MED8: variants seen among roughly 807,000 people sequenced by gnomAD.
MED8 encodes the protein mediator of RNA polymerase II transcription subunit 8.
In MED8, 22 loss-of-function variants were observed where a neutral mutation model predicts 34.8. That is an observed-to-expected ratio of 0.63 (90% CI 0.45 to 0.90). MED8 has a LOEUF of 0.90. Ranked by LOEUF, MED8 falls within the 40% of genes least tolerant of loss-of-function variation. The pLI, the probability that MED8 is intolerant of heterozygous loss-of-function variation, is 0.00. For missense variants in MED8, 260 were observed against 326.3 expected (o/e 0.80, Z 1.57); for synonymous variants, 105 against 120.2 (o/e 0.87, Z 0.83).
Position 43,384,114 on chromosome 1 carries a change from A to G in MED8, c.*928T>C, listed in dbSNP as rs1281079550. 2 of 189,190 alleles carry G rather than the reference A, an allele frequency of 1.1e-5. No homozygotes were observed. The highest frequency in any genetic ancestry group is 1.8e-3 in the Middle Eastern group (1 of 542). The allele number at this position is 189,190 out of a possible 1,614,324, so 11.7% of individuals were successfully genotyped here. A position where few individuals can be genotyped will look rare whatever the true frequency, so the allele number is the denominator to read the frequency against. ...ATCATTCTGGTCCACCATTTGGGCC[A>G]CAGGCTTAGGGAAATGAAGGAAAGT... On this transcript the variant is annotated 3_prime_UTR_variant, in exon 7 of 7. Coordinates refer to ENST00000372457, the MANE Select transcript of MED8 (RefSeq NM_201542.5).
At chr1:43,387,801 G>T in intron 2 of MED8, 154 bp from the exon 3 acceptor site, 1 of 757,552 alleles carries the variant, frequency 1.3e-6, no homozygotes, top group Non-Finnish European at 2.2e-6. Context: ...GACTAACAGG[G>T]ATGACAGGGC....
chr1:43,389,713 G>A (rs1341684794), intron 1 of MED8, 46 bp downstream of exon 1: 3 of 1,601,892 alleles, frequency 1.9e-6, no homozygotes, highest in South Asian at 2.2e-5. Context: ...CTCGGTCCCT[G>A]TACCCGAAGC....
chr1:43,384,876 C>G lies in MED8; in HGVS notation c.*166G>C. The G allele has an allele frequency of 7.1e-7, 1 of 1,407,086 alleles. No homozygotes were observed. The highest frequency in any genetic ancestry group is 9.3e-7 in the Non-Finnish European group (1 of 1,074,254). The allele number at this position is 1,407,086 out of a possible 1,614,324, so 87.2% of individuals were successfully genotyped here. A position where few individuals can be genotyped will look rare whatever the true frequency, so the allele number is the denominator to read the frequency against. ...AGAAACAGGCTCAGAAAAATTAGGT[C>G]ACTTGTCCAAGGTCACACAGCTAGT... On this transcript the variant is annotated 3_prime_UTR_variant, in exon 7 of 7. Coordinates refer to ENST00000372457, the MANE Select transcript of MED8 (RefSeq NM_201542.5).
At chr1:43,388,500 AAGG>A in intron 1 of MED8, 72 bp from the exon 2 acceptor site, 4 of 1,585,214 alleles carry the variant, frequency 2.5e-6, no homozygotes, top group Non-Finnish European at 1.7e-6. Flanking sequence ...CTGGAAAGCC[AAGG>A]AGATGGTGTG....
chr1:43,387,651 G>C lies in MED8; in HGVS notation c.126-4C>G, dbSNP rs774809712. 2 of 1,613,844 alleles carry C rather than the reference G, an allele frequency of 1.2e-6. No individual in the cohort carries two copies. Among genetic ancestry groups the C allele is most frequent in the Non-Finnish European group, 1.7e-6 (2 of 1,179,820 alleles). On this transcript the variant is annotated splice_polypyrimidine_tract_variant and splice_region_variant and intron_variant, in intron 2 of 6. Transcript: ENST00000372457. ...AAAGCTGTCCAGGACAGATGGCCTGGTGGTGGTAACAAGGTGTAAGAATGT... is the reference window on the plus strand; with the variant it reads ...AAAGCTGTCCAGGACAGATGGCCTGCTGGTGGTAACAAGGTGTAAGAATGT...
Position 43,385,239 on chromosome 1 carries a change from A to G in MED8, c.743-133T>C. 3.3e-6 allele frequency: 4 copies of G among 1,196,726 alleles called. No individual in the cohort carries two copies. In the South Asian group the frequency reaches 6.2e-5, roughly 18 times the overall value. 74.1% of individuals were successfully genotyped at this position (1,196,726 alleles called of 1,614,324 possible). ...CCTCTGCGGCATCTGACCCTGTTTG[A>G]CAGAGGTCAGAAGTATGATTCTTCA... is the stretch of plus-strand genomic sequence containing the variant. On this transcript the variant is annotated intron_variant, in intron 6 of 6. Coordinates refer to ENST00000372457, the MANE Select transcript of MED8 (RefSeq NM_201542.5).
chr1:43,385,865 A>G, intron 6 of MED8, 113 bp downstream of exon 6: 1 of 1,459,762 alleles, frequency 6.9e-7, no homozygotes, highest in Non-Finnish European at 9.3e-7. Context: ...CACAGTGAAA[A>G]GGAGAAATAG....
At chr1:43,387,041 A>G (rs1557486572) in intron 3 of MED8, 43 bp from the exon 4 acceptor site, 1 of 1,605,848 alleles carries the variant, frequency 6.2e-7, no homozygotes, top group Non-Finnish European at 8.5e-7. Flanking sequence ...GTACTCCAAG[A>G]AGATTCTATC....
In MED8 at chr1:43,386,141, A is replaced by G. The variant is rs202195574; in HGVS notation, c.579T>C (p.Asn193=). 1.3e-4 allele frequency: 211 copies of G among 1,614,030 alleles called. No individual in the cohort carries two copies. Among genetic ancestry groups the G allele is most frequent in the East Asian group, 2.2e-4 (10 of 44,882 alleles). The change falls in exon 6 of 7, where the codon AAT becomes AAC. Residue 193 remains asparagine, a synonymous_variant. Transcript: ENST00000372457. This position sits in a 1 kb window ranked among gnomAD's most constrained non-coding sequence, Gnocchi z 4.9. ...AAVAFGKGLS[N]WRPSGSSGPG... Reference sequence around the variant, plus strand: ...GACCACTGCTGCCTGAAGGTCTCCAATTAGATAGTCCTTTCCCAAAGGCAA... The same window carrying G: ...GACCACTGCTGCCTGAAGGTCTCCAGTTAGATAGTCCTTTCCCAAAGGCAA...
rs751215999 is a variant in MED8 at position 43,386,702 on chromosome 1, G to C, written c.412-32C>G. On this transcript the variant is annotated intron_variant, in intron 4 of 6. Transcript: ENST00000372457. The surrounding 1 kb of genome is among the most constrained non-coding windows in gnomAD (Gnocchi z 4.9). ...CACACAAATTTGTGCAGAGATTAGG[G>C]TAACTAGGAAACGATATGGAGAAAT... is the stretch of plus-strand genomic sequence containing the variant. 2.5e-6 allele frequency: 4 copies of C among 1,599,424 alleles called. No homozygotes were observed. The South Asian group carries it at 4.5e-5, about 18-fold the overall frequency.
Position 43,386,145 on chromosome 1 carries a change from G to A in MED8, c.575C>T (p.Ser192Phe), listed in dbSNP as rs753451301. 6.2e-7 allele frequency: 1 copy of A among 1,614,042 alleles called. No individual in the cohort carries two copies. The highest frequency in any genetic ancestry group is 1.1e-5 in the South Asian group (1 of 91,086). The change falls in exon 6 of 7, where the codon TCT (serine) becomes TTT (phenylalanine). Residue 192 changes from serine to phenylalanine, a missense_variant. Coordinates refer to ENST00000372457, the MANE Select transcript of MED8 (RefSeq NM_201542.5). This position sits in a 1 kb window ranked among gnomAD's most constrained non-coding sequence, Gnocchi z 4.9. ...ACTGCTGCCTGAAGGTCTCCAATTA[G>A]ATAGTCCTTTCCCAAAGGCAACAGC... ...VAAVAFGKGL[S>F]NWRPSGSSGP...
intron 6 of MED8, 69 bp from the exon 7 acceptor site, chr1:43,385,175 C>A (rs1163434137): frequency 4.6e-6 from 7 of 1,528,748 alleles, no homozygotes; most frequent in South Asian, 1.2e-5. Context: ...AAATGTGGTA[C>A]CTCAGGTTCC....
chr1:43,389,631 A>C, intron 1 of MED8, 128 bp downstream of exon 1: 1 of 1,403,426 alleles, frequency 7.1e-7, no homozygotes, highest in Non-Finnish European at 9.6e-7. Context: ...CCCAGCCCAC[A>C]TTCCCTTATC....
chr1:43,384,566 G>A lies in MED8; in HGVS notation c.*476C>T, dbSNP rs760041532. 1.3e-6 allele frequency: 2 copies of A among 1,597,544 alleles called. No individual in the cohort carries two copies. The highest frequency in any genetic ancestry group is 2.7e-5 in the African/African-American group (2 of 74,314). ...AGGCAGGAGGGCCTGCAAAAACAGT[G>A]TGCCTCTAAGAACACAGAGGTTGCT... On this transcript the variant is annotated 3_prime_UTR_variant, in exon 7 of 7. Coordinates refer to ENST00000372457, the MANE Select transcript of MED8 (RefSeq NM_201542.5).
intron 1 of MED8, among the ~76,000 whole-genome samples, chr1:43,389,371 T>A (rs190768771): frequency 6.6e-6 from 1 of 152,052 alleles, no homozygotes; most frequent in East Asian, 1.9e-4. Flanking sequence ...TCCAATTAGA[T>A]CCCCTGCTAT....
chr1:43,385,187 T>A (rs1192698043), intron 6 of MED8, 81 bp from the exon 7 acceptor site: 2 of 1,511,440 alleles, frequency 1.3e-6, no homozygotes, highest in Admixed American at 2.1e-5. Context: ...TCAGGTTCCC[T>A]CTGTCACTTC....
chr1:43,386,774 G>T lies in MED8; in HGVS notation c.411+84C>A. On this transcript the variant is annotated intron_variant, in intron 4 of 6. Coordinates refer to ENST00000372457, the MANE Select transcript of MED8 (RefSeq NM_201542.5). The surrounding 1 kb of genome is among the most constrained non-coding windows in gnomAD (Gnocchi z 4.9). Reference sequence around the variant, plus strand: ...AAGCAACTTAGGCGCAACCAACTATGTATCCCTACTAGACAGGAATGGTAA... The same window carrying T: ...AAGCAACTTAGGCGCAACCAACTATTTATCCCTACTAGACAGGAATGGTAA... 6.2e-7 allele frequency: 1 copy of T among 1,602,832 alleles called. No homozygotes were observed. The highest frequency in any genetic ancestry group is 8.5e-7 in the Non-Finnish European group (1 of 1,173,544).
At chr1:43,385,774 T>G in intron 6 of MED8, 1 of 704,806 alleles carries the variant, frequency 1.4e-6, no homozygotes, top group Non-Finnish European at 2.3e-6. Flanking sequence ...TTTCTGTTAC[T>G]CAAAGTTCTT....
In MED8 at chr1:43,385,841, A is replaced by G; in HGVS notation, c.742+137T>C. The G allele has an allele frequency of 5.1e-6, 7 of 1,371,416 alleles. No individual in the cohort carries two copies. The South Asian group carries it at 9.8e-5, about 19-fold the overall frequency. 85.0% of individuals were successfully genotyped at this position (1,371,416 alleles called of 1,614,324 possible). A position where few individuals can be genotyped will look rare whatever the true frequency, so the allele number is the denominator to read the frequency against. The stretch of plus-strand genomic sequence containing the variant: ...AGATGAGATTTTTTTACTTCTGAAA[A>G]TTATTTCCTGGGTCACAGTGAAAAG... On this transcript the variant is annotated intron_variant, in intron 6 of 6. Coordinates refer to ENST00000372457, the MANE Select transcript of MED8 (RefSeq NM_201542.5).
Sources: allele counts gnomAD v4.1 joint callset (sites outside exome capture counted in the v4.1 genomes callset), GRCh38; gene constraint gnomAD v4.1.1; non-coding constraint Gnocchi (gnomAD v3.1); transcripts MANE v1.5; gene names NCBI Gene and HGNC (gene_info 2026-07-23, HGNC 2026-07-21).